MGAT4C: variants seen among roughly 807,000 people sequenced by gnomAD.
The protein encoded by MGAT4C is MGAT4 family member C, also known as alpha-1,3-mannosyl-glycoprotein 4-beta-N-acetylglucosaminyltransferase C.
Under a neutral mutation model 40.1 loss-of-function variants are expected in MGAT4C, and 19 were observed. The observed-to-expected ratio is 0.47, with a 90% CI of 0.33 to 0.70. MGAT4C has a LOEUF of 0.70. Ranked by LOEUF, MGAT4C falls within the 30% of genes least tolerant of loss-of-function variation. The probability of loss-of-function intolerance (pLI) is 0.02; values close to 1 mark genes in which losing one functional copy is unlikely to be tolerated. For synonymous variants in MGAT4C, 181 were observed against 187.1 expected (o/e 0.97, Z 0.27); for missense variants, 491 against 563.2 (o/e 0.87, Z 1.30).
At chr12:86,260,923 GCT>G (rs1952645028), upstream of MGAT4C, among the ~76,000 whole-genome samples, 1 of 151,694 alleles carries the variant, frequency 6.6e-6, no homozygotes, top group African/African-American at 2.4e-5. Flanking sequence ...CAGAAACAAA[GCT>G]ATATACCTTT....
chr12:86,806,569 C>G (rs1952359130), intron 1 of MGAT4C, among the ~76,000 whole-genome samples: 1 of 151,944 alleles, frequency 6.6e-6, no homozygotes, highest in Non-Finnish European at 1.5e-5. Context: ...AAGGATCCCT[C>G]CTGTCACCTT....
intron 2 of MGAT4C, among the ~76,000 whole-genome samples, chr12:86,680,834 T>G (rs1949969226): frequency 6.6e-6 from 1 of 151,976 alleles, no homozygotes; most frequent in African/African-American, 2.4e-5. Flanking sequence ...TATATTATGT[T>G]TCTTCTCATT....
intron 2 of MGAT4C, among the ~76,000 whole-genome samples, chr12:86,628,292 G>T (rs1962889933): frequency 6.6e-6 from 1 of 152,164 alleles, no homozygotes; most frequent in Admixed American, 6.5e-5. Context: ...GAAAGTGACG[G>T]GGAGAATGGA....
intron 2 of MGAT4C, among the ~76,000 whole-genome samples, chr12:86,706,339 T>C (rs960825922): frequency 6.6e-6 from 1 of 152,196 alleles, no homozygotes; most frequent in African/African-American, 2.4e-5. Flanking sequence ...AATTGGATTT[T>C]TTAGGGCTAT....
Position 86,119,722 on chromosome 12 carries a change from C to CTT in MGAT4C, c.-56-70001_-56-70000dup, listed in dbSNP as rs11306440. ...CTATGCCCGGCCCCCTCCCACCATTCTTTTTTTTTTTTTTTTTTTTAATAG... is the reference window on the plus strand; with the variant it reads ...CTATGCCCGGCCCCCTCCCACCATTCTTTTTTTTTTTTTTTTTTTTTTAATAG... On this transcript the variant is annotated intron_variant, in intron 1 of 4. Transcript: ENST00000611864. Among the ~76,000 whole-genome samples, 97 of 122,148 alleles carry CTT rather than the reference C, an allele frequency of 7.9e-4. 2 individuals carry two copies. In the East Asian group the frequency reaches 0.015, roughly 18 times the overall value. 80.1% of individuals were successfully genotyped at this position (122,148 alleles called of 152,430 possible). A position where few individuals can be genotyped will look rare whatever the true frequency, so the allele number is the denominator to read the frequency against.
chr12:86,030,401 T>C (rs528106585), intron 2 of MGAT4C, among the ~76,000 whole-genome samples: 1 of 151,874 alleles, frequency 6.6e-6, no homozygotes, highest in South Asian at 2.1e-4. Flanking sequence ...TACTATGGCT[T>C]AATGTTAGTG....
intron 2 of MGAT4C, among the ~76,000 whole-genome samples, chr12:86,520,978 C>A (rs1311810520): frequency 6.6e-6 from 1 of 152,060 alleles, no homozygotes; most frequent in African/African-American, 2.4e-5. Context: ...AGACACTTGC[C>A]AGATATATAG....
intron 2 of MGAT4C, among the ~76,000 whole-genome samples, chr12:86,463,898 T>C (rs1422777255): frequency 6.6e-6 from 1 of 152,188 alleles, no homozygotes; most frequent in African/African-American, 2.4e-5. Context: ...TTAAAATGTA[T>C]ACTAAAAATT....
chr12:86,295,308 G>A (rs1326397999), intron 4 of MGAT4C, among the ~76,000 whole-genome samples: 1 of 152,092 alleles, frequency 6.6e-6, no homozygotes, highest in African/African-American at 2.4e-5. Flanking sequence ...TTTGATAAAA[G>A]TAATGTGCCT....
intron 3 of MGAT4C, among the ~76,000 whole-genome samples, chr12:86,427,352 T>G (rs1163022443): frequency 6.6e-6 from 1 of 152,054 alleles, no homozygotes; most frequent in Non-Finnish European, 1.5e-5. Context: ...TGCTAACAAT[T>G]TTAATTAAGA....
intron 3 of MGAT4C, among the ~76,000 whole-genome samples, chr12:86,404,720 G>C (rs1956430650): frequency 6.6e-6 from 1 of 151,922 alleles, no homozygotes; most frequent in Non-Finnish European, 1.5e-5. Flanking sequence ...TTAATAAAAA[G>C]AAAAGAAAAG....
intron 2 of MGAT4C, among the ~76,000 whole-genome samples, chr12:86,452,792 C>T (rs1957448397): frequency 6.6e-6 from 1 of 152,058 alleles, no homozygotes; most frequent in Non-Finnish European, 1.5e-5. Context: ...GTTTGTCTCC[C>T]TAGTCCAGTG....
Position 86,427,934 on chromosome 12 carries a change from C to T in MGAT4C, c.-120+7223G>A, listed in dbSNP as rs942426969. Reference sequence around the variant, plus strand: ...ACTCGGGAGGCTGAGGCAGGAGAATCGCTTGAACCCGGGAGGCAGAGGTTG... The same window carrying T: ...ACTCGGGAGGCTGAGGCAGGAGAATTGCTTGAACCCGGGAGGCAGAGGTTG... On this transcript the variant is annotated intron_variant, in intron 3 of 7. Transcript: ENST00000548651. Among the ~76,000 whole-genome samples, 4 of 151,838 alleles carry T rather than the reference C, an allele frequency of 2.6e-5. No individual in the cohort carries two copies. The East Asian group carries it at 5.8e-4, about 22-fold the overall frequency.
Position 86,175,778 on chromosome 12 carries a change from C to T in MGAT4C, c.-57+80461G>A, listed in dbSNP as rs562030700. 4.4e-3 allele frequency among the ~76,000 whole-genome samples: 603 copies of T among 137,812 alleles called. 3 individuals are homozygous for T. Among genetic ancestry groups the T allele is most frequent in the African/African-American group, 0.014 (535 of 36,922 alleles). 90.4% of individuals were successfully genotyped at this position (137,812 alleles called of 152,430 possible). On this transcript the variant is annotated intron_variant, in intron 1 of 4. Transcript: ENST00000611864. ...CATCCTGGCTAACATGGTGAAACCC[C>T]GTCTCTACTAAAAATACAAAAAAAA...
At chr12:86,504,292 A>G (rs1958431442) in intron 2 of MGAT4C, among the ~76,000 whole-genome samples, 1 of 152,158 alleles carries the variant, frequency 6.6e-6, no homozygotes, top group Non-Finnish European at 1.5e-5. Flanking sequence ...ACCTGGGCAT[A>G]TAACCAAAAA....
Position 86,308,464 on chromosome 12 carries a change from A to G in MGAT4C, c.-57+25601T>C, listed in dbSNP as rs941357485. Among the ~76,000 whole-genome samples, 6 of 150,554 alleles carry G rather than the reference A, an allele frequency of 4.0e-5. 1 individual carries two copies. Among genetic ancestry groups the G allele is most frequent in the African/African-American group, 1.5e-4 (6 of 39,964 alleles). ...AACAAATCCAAATTCTCTTTCACTC[A>G]AAAGAGATCTGAGGGAAAGAAAAAT... On this transcript the variant is annotated intron_variant, in intron 4 of 7. Transcript: ENST00000548651.
In MGAT4C at chr12:85,965,738, T is replaced by A. The variant is rs1171205041; in HGVS notation, c.*13551A>T. On this transcript the variant is annotated 3_prime_UTR_variant, in exon 5 of 5. Coordinates refer to ENST00000611864, the MANE Select transcript of MGAT4C (RefSeq NM_001351288.2). ...AACAGAACTTTTCCTAGCTTCTAAA[T>A]GATTAGAAATTTCAGCTTTGGTTTA... The A allele has an allele frequency of 2.0e-5, 3 of 152,128 alleles. No individual in the cohort carries two copies. Among genetic ancestry groups the A allele is most frequent in the Non-Finnish European group, 4.4e-5 (3 of 68,028 alleles). The allele number at this position is 152,128 out of a possible 1,614,324, so 9.4% of individuals were successfully genotyped here.
intron 4 of MGAT4C, among the ~76,000 whole-genome samples, chr12:86,261,602 G>A (rs1371767154): frequency 1.3e-5 from 2 of 151,992 alleles, no homozygotes; most frequent in Non-Finnish European, 1.5e-5. Flanking sequence ...TTTGCAACCC[G>A]TGTATCTATC....
chr12:86,235,884 AAT>A (rs1951517670), intron 1 of MGAT4C, among the ~76,000 whole-genome samples: 1 of 152,050 alleles, frequency 6.6e-6, no homozygotes, highest in Non-Finnish European at 1.5e-5. Context: ...GTGTTAAATA[AAT>A]ATCTATGGTG....
Sources: gnomAD v4.1 joint callset for allele counts (sites outside exome capture counted in the v4.1 genomes callset) on GRCh38, gnomAD v4.1.1 for gene constraint, MANE v1.5 for transcripts, NCBI Gene and HGNC (gene_info 2026-07-23, HGNC 2026-07-21) for gene names.